The following RANBP2 variants were observed in gnomAD, a reference collection of about 807,000 sequenced individuals.
RANBP2 encodes RAN binding protein 2, also known as E3 SUMO-protein ligase RanBP2.
Under a neutral mutation model 303.6 loss-of-function variants are expected in RANBP2, and 57 were observed. That is an observed-to-expected ratio of 0.19 (90% CI 0.15 to 0.23). The LOEUF is 0.23. Ranked by LOEUF, RANBP2 falls within the 10% of genes least tolerant of loss-of-function variation. The pLI is 1.00. For missense variants in RANBP2, 3,138 were observed against 3,780.8 expected, an observed-to-expected ratio of 0.83 and a Z score of 4.46; for synonymous variants, 1,167 against 1,301.5, an observed-to-expected ratio of 0.90 and a Z score of 2.23.
chr2:108,751,119 C>G (rs1209449761), intron 9 of RANBP2, 145 bp from the exon 10 acceptor site: 1 of 1,391,940 alleles, frequency 7.2e-7, no homozygotes, highest in South Asian at 1.3e-5. Context: ...TGAGATTTTG[C>G]CTAACATAGA....
the RANBP2 span, among the ~76,000 whole-genome samples, chr2:108,900,571 A>AC: frequency 1.2e-3 from 178 of 147,458 alleles, no homozygotes; most frequent in Admixed American, 3.0e-3. Flanking sequence ...AAAAAAAAAA[A>AC]AACAAAAAAC....
chr2:108,812,874 CATGAA>C, the RANBP2 span: 2 of 1,613,346 alleles, frequency 1.2e-6, no homozygotes, highest in South Asian at 2.2e-5. Context: ...CCATGCTGTT[CATGAA>C]ATGAAAAGTT....
intron 2 of RANBP2, 125 bp downstream of exon 2, chr2:108,729,324 T>C: frequency 8.8e-7 from 1 of 1,141,026 alleles, no homozygotes; most frequent in Non-Finnish European, 1.2e-6. Flanking sequence ...ATAAGGGATT[T>C]ATCACTCAGA....
chr2:109,218,382 G>A, the RANBP2 span, among the ~76,000 whole-genome samples: 1 of 152,114 alleles, frequency 6.6e-6, no homozygotes, highest in African/African-American at 2.4e-5. Flanking sequence ...CTGAGTTGCT[G>A]GATGAAATGT....
At chr2:109,420,691 C>A in the RANBP2 span, among the ~76,000 whole-genome samples, 9 of 152,134 alleles carry the variant, frequency 5.9e-5, no homozygotes, top group Non-Finnish European at 1.3e-4. Context: ...GTGATCCGCC[C>A]GCCTTGGCCT....
chr2:108,863,148 T>C, the RANBP2 span, among the ~76,000 whole-genome samples: 4 of 152,212 alleles, frequency 2.6e-5, no homozygotes, highest in Admixed American at 2.0e-4. Flanking sequence ...TTGAACAACA[T>C]AATTTCTTCC....
chr2:109,297,821 C>G, the RANBP2 span, among the ~76,000 whole-genome samples: 36 of 152,250 alleles, frequency 2.4e-4, no homozygotes, highest in African/African-American at 8.2e-4. Context: ...GTCAGTGCTC[C>G]TCACCAGGAC....
chr2:109,529,972 C>T, the RANBP2 span, among the ~76,000 whole-genome samples: 20 of 152,184 alleles, frequency 1.3e-4, no homozygotes, highest in Admixed American at 5.2e-4. Context: ...GCAACCATAA[C>T]GACTGTTTTC....
the RANBP2 span, among the ~76,000 whole-genome samples, chr2:108,890,364 C>A: frequency 1.3e-5 from 2 of 151,744 alleles, no homozygotes; most frequent in Non-Finnish European, 2.9e-5. Context: ...CCAACCTCAG[C>A]CTCCTTAGTA....
chr2:109,376,931 C>T, the RANBP2 span, among the ~76,000 whole-genome samples: 1 of 152,234 alleles, frequency 6.6e-6, no homozygotes, highest in Non-Finnish European at 1.5e-5. Flanking sequence ...CCCTAGTCTG[C>T]AATGTGAGGA....
At chr2:109,359,300 T>G in the RANBP2 span, among the ~76,000 whole-genome samples, 1 of 152,250 alleles carries the variant, frequency 6.6e-6, no homozygotes, top group African/African-American at 2.4e-5. Context: ...TGGTCAATAT[T>G]CACAAAAGAA....
chr2:108,891,832 C>G, the RANBP2 span, among the ~76,000 whole-genome samples: 22 of 152,224 alleles, frequency 1.4e-4, no homozygotes, highest in South Asian at 4.6e-3. Context: ...AAGACAACCT[C>G]TTGGCCTTCA....
Position 108,773,041 on chromosome 2 carries a change from G to T in RANBP2, c.8287G>T (p.Ala2763Ser), listed in dbSNP as rs368527127. ...FQSELQKVQE[A>S]QKSQTEEITS... ...ATCAGAGCTTCAAAAAGTTCAGGAA[G>T]CTCAAGTAAGAACATCTCTAATAAA... Residue 2763 changes from alanine (A) to serine (S), a missense_variant, in exon 23 of 29, where the codon GCT (alanine) becomes TCT (serine). Coordinates refer to ENST00000283195, the MANE Select transcript of RANBP2 (RefSeq NM_006267.5). 1 of 1,609,652 alleles carries T rather than the reference G, an allele frequency of 6.2e-7. No homozygotes were observed. The highest frequency in any genetic ancestry group is 8.5e-7 in the Non-Finnish European group (1 of 1,177,224).
chr2:109,385,610 G>A, the RANBP2 span, among the ~76,000 whole-genome samples: 1 of 152,242 alleles, frequency 6.6e-6, no homozygotes, highest in Admixed American at 6.5e-5. Flanking sequence ...TTGGGAAAGG[G>A]ACAACCAGTG....
the RANBP2 span, among the ~76,000 whole-genome samples, chr2:109,001,156 T>A: frequency 6.6e-5 from 10 of 152,190 alleles, no homozygotes; most frequent in African/African-American, 2.2e-4. Flanking sequence ...GAATCAACTG[T>A]GCTGCGGGTG....
chr2:109,464,277 C>A, the RANBP2 span, among the ~76,000 whole-genome samples: 1 of 152,312 alleles, frequency 6.6e-6, no homozygotes, highest in South Asian at 2.1e-4. Context: ...CACAAATATA[C>A]ACACATTCAT....
At chr2:109,402,715 G>A in the RANBP2 span, among the ~76,000 whole-genome samples, 1 of 152,232 alleles carries the variant, frequency 6.6e-6, no homozygotes, top group Non-Finnish European at 1.5e-5. Flanking sequence ...GGGAAGACAG[G>A]ATGGTGAAGT....
chr2:109,589,765 A>G, the RANBP2 span, among the ~76,000 whole-genome samples: 1 of 152,080 alleles, frequency 6.6e-6, no homozygotes, highest in East Asian at 1.9e-4. Flanking sequence ...GGTATCCAAA[A>G]TAATGAAAAC....
chr2:109,291,550 G>A, the RANBP2 span, among the ~76,000 whole-genome samples: 1 of 152,232 alleles, frequency 6.6e-6, no homozygotes, highest in African/African-American at 2.4e-5. Context: ...TGCAGCCGGC[G>A]ATGCCCTTGG....
Sources: allele counts gnomAD v4.1 joint callset (sites outside exome capture counted in the v4.1 genomes callset), GRCh38; gene constraint gnomAD v4.1.1; transcripts MANE v1.5; gene names NCBI Gene and HGNC (gene_info 2026-07-23, HGNC 2026-07-21).